Variants in EXT1 observed in about 807,000 individuals in gnomAD.
EXT1 encodes the protein exostosin-1.
Under a neutral mutation model 82.5 loss-of-function variants are expected in EXT1, and 20 were observed. The ratio of observed to expected loss-of-function variants is 0.24; its 90% CI spans 0.17 to 0.35. The LOEUF (loss-of-function observed/expected upper bound fraction) is 0.35. EXT1 is among the 10% of genes least tolerant of loss of function. The pLI, the probability that EXT1 is intolerant of heterozygous loss-of-function variation, is 1.00. For synonymous variants in EXT1, 348 were observed against 350.8 expected, an observed-to-expected ratio of 0.99 and a Z score of 0.09; for missense variants, 757 against 936.5, an observed-to-expected ratio of 0.81 and a Z score of 2.50.
At chr8:117,879,196 A>T (rs1813019867) in intron 1 of EXT1, among the ~76,000 whole-genome samples, 1 of 152,206 alleles carries the variant, frequency 6.6e-6, no homozygotes, top group Admixed American at 6.5e-5. Flanking sequence ...TGACTACCAA[A>T]AAAGATGTGG....
At chr8:117,872,388 C>T (rs1812888883) in intron 1 of EXT1, among the ~76,000 whole-genome samples, 1 of 151,494 alleles carries the variant, frequency 6.6e-6, no homozygotes, top group South Asian at 2.1e-4. Flanking sequence ...ATTTACTGAA[C>T]TTGTGGATTA....
At chr8:118,069,088 T>C (rs1033619896) in intron 1 of EXT1, among the ~76,000 whole-genome samples, 3 of 152,168 alleles carry the variant, frequency 2.0e-5, no homozygotes, top group African/African-American at 7.2e-5. Context: ...TACACAAACA[T>C]AGCTTGGACT....
intron 1 of EXT1, among the ~76,000 whole-genome samples, chr8:118,010,089 A>G (rs1341107901): frequency 6.6e-6 from 1 of 152,208 alleles, no homozygotes; most frequent in Non-Finnish European, 1.5e-5. Context: ...GATGGATGTT[A>G]GGACTTAGAG....
intron 1 of EXT1, among the ~76,000 whole-genome samples, chr8:117,916,358 C>T (rs963650667): frequency 6.6e-6 from 1 of 152,142 alleles, no homozygotes; most frequent in Admixed American, 6.6e-5. Context: ...CTCCAGGGCC[C>T]AGAGCACCAG....
chr8:118,090,778 C>CAAAAAAGAAA (rs1817509074), intron 1 of EXT1, among the ~76,000 whole-genome samples: 1 of 27,180 alleles, frequency 3.7e-5, no homozygotes, highest in Non-Finnish European at 6.8e-5. Context: ...GATTCTGTCT[C>CAAAAAAGAAA]AAAAAAAAAA....
intron 1 of EXT1, among the ~76,000 whole-genome samples, chr8:118,039,305 A>T (rs1223488352): frequency 3.3e-5 from 5 of 152,226 alleles, no homozygotes; most frequent in Non-Finnish European, 7.3e-5. Context: ...CACGCCTGTA[A>T]TCCCAGCACT....
At chr8:117,953,772 CA>C (rs1814536260) in intron 1 of EXT1, among the ~76,000 whole-genome samples, 1 of 151,750 alleles carries the variant, frequency 6.6e-6, no homozygotes, top group Admixed American at 6.6e-5. Flanking sequence ...AATGTATTAA[CA>C]AATAAACTCT....
chr8:117,890,971 A>G (rs1200867038), intron 1 of EXT1, among the ~76,000 whole-genome samples: 1 of 152,168 alleles, frequency 6.6e-6, no homozygotes, highest in Non-Finnish European at 1.5e-5. Context: ...AACTACTCCC[A>G]GTGCCATGCT....
intron 1 of EXT1, among the ~76,000 whole-genome samples, chr8:118,029,705 G>A (rs1816272493): frequency 6.6e-6 from 1 of 152,166 alleles, no homozygotes; most frequent in Non-Finnish European, 1.5e-5. Flanking sequence ...AGATGAACTT[G>A]ATCTGAATGT....
chr8:117,858,392 C>G (rs1362697285), intron 1 of EXT1, among the ~76,000 whole-genome samples: 1 of 152,154 alleles, frequency 6.6e-6, no homozygotes, highest in East Asian at 1.9e-4. Flanking sequence ...AAACTGTCAG[C>G]CAGGCACAGT....
At position 117,818,544 on chromosome 8, in the gene EXT1, G is replaced by A. The variant is rs1801421395; in HGVS notation, c.1537-14C>T. On this transcript the variant is annotated splice_polypyrimidine_tract_variant and intron_variant, in intron 6 of 10. Transcript: ENST00000378204. ...TAGAACTATGATCTGAAAGGGATGG[G>A]GCTCATTAGATGGCTGGGGTAGGAT... The A allele has an allele frequency of 6.2e-7, 1 of 1,603,346 alleles. No homozygotes were observed. Among genetic ancestry groups the A allele is most frequent in the Non-Finnish European group, 8.5e-7 (1 of 1,170,256 alleles).
chr8:117,990,487 T>C (rs1302206918), intron 1 of EXT1, among the ~76,000 whole-genome samples: 4 of 152,164 alleles, frequency 2.6e-5, no homozygotes, highest in South Asian at 4.1e-4. Flanking sequence ...TGCTTACACA[T>C]ATTCACCTGA....
intron 1 of EXT1, among the ~76,000 whole-genome samples, chr8:117,865,270 C>T (rs997627810): frequency 2.0e-5 from 3 of 152,210 alleles, no homozygotes. Flanking sequence ...CGGTCTCAAG[C>T]AATCCTGGCA....
chr8:117,970,370 C>T (rs2014742), intron 1 of EXT1, among the ~76,000 whole-genome samples: 54,704 of 150,784 alleles, frequency 0.36, 12,367 homozygotes, highest in African/African-American at 0.64. Flanking sequence ...GTGGCGTGAT[C>T]TCAGCTCACT....
At chr8:118,008,210 G>A (rs9297574) in intron 1 of EXT1, among the ~76,000 whole-genome samples, 38,874 of 151,744 alleles carry the variant, frequency 0.26, 6,192 homozygotes, top group Non-Finnish European at 0.36. Flanking sequence ...GAAGATGATG[G>A]CCACACTGTC....
At chr8:117,973,512 TTA>T (rs1309177646) in intron 1 of EXT1, among the ~76,000 whole-genome samples, 1 of 152,174 alleles carries the variant, frequency 6.6e-6, no homozygotes, top group Non-Finnish European at 1.5e-5. Context: ...TACATCTTTT[TTA>T]AAAAGTCACT....
chr8:117,919,484 T>C (rs114616668), intron 1 of EXT1, among the ~76,000 whole-genome samples: 1,993 of 150,858 alleles, frequency 0.013, 43 homozygotes, highest in African/African-American at 0.045. Flanking sequence ...GCCACCACGC[T>C]TGGCCAACAT....
chr8:118,068,756 A>G (rs1817034437), intron 1 of EXT1, among the ~76,000 whole-genome samples: 1 of 152,254 alleles, frequency 6.6e-6, no homozygotes, highest in African/African-American at 2.4e-5. Context: ...CTGATAGACA[A>G]TAAACACTCA....
chr8:118,016,867 A>C (rs1243707428), intron 1 of EXT1, among the ~76,000 whole-genome samples: 1 of 152,222 alleles, frequency 6.6e-6, no homozygotes, highest in African/African-American at 2.4e-5. Flanking sequence ...CAGTGACTGG[A>C]ACAGACACAA....
Sources: allele counts gnomAD v4.1 joint callset (sites outside exome capture counted in the v4.1 genomes callset), GRCh38; gene constraint gnomAD v4.1.1; transcripts MANE v1.5; gene names NCBI Gene and HGNC (gene_info 2026-07-23, HGNC 2026-07-21).